Variants in CADM1 observed in about 807,000 individuals in gnomAD.
The protein encoded by CADM1 is TSLC-1.
A neutral mutation model predicts 53.1 loss-of-function variants in CADM1; 15 were observed. The ratio of observed to expected loss-of-function variants is 0.28; its 90% CI spans 0.19 to 0.44. The LOEUF (loss-of-function observed/expected upper bound fraction) is 0.44, where lower values mean the gene tolerates loss of function less well. Among genes scored for constraint, CADM1 ranks in the 20% least tolerant of loss-of-function variants. The probability of loss-of-function intolerance (pLI) is 1.00; values close to 1 mark genes in which losing one functional copy is unlikely to be tolerated. For synonymous variants in CADM1, 281 were observed against 243.0 expected (o/e 1.16, Z -1.45); for missense variants, 434 against 611.3 (o/e 0.71, Z 3.06).
chr11:115,418,808 A>G (rs191855777), intron 1 of CADM1, among the ~76,000 whole-genome samples: 135 of 152,356 alleles, frequency 8.9e-4, no homozygotes, highest in South Asian at 2.5e-3. Flanking sequence ...AATGACTGCA[A>G]TAAAACAATG....
intron 1 of CADM1, among the ~76,000 whole-genome samples, chr11:115,379,819 C>T (rs1261051524): frequency 6.6e-6 from 1 of 152,142 alleles, no homozygotes; most frequent in Non-Finnish European, 1.5e-5. Context: ...AAAACAAAAA[C>T]TCCCTACAGA....
chr11:115,198,260 T>C (rs10891806), intron 9 of CADM1, 146 bp downstream of exon 9: 27,084 of 621,544 alleles, frequency 0.044, 828 homozygotes, highest in Admixed American at 0.11. Context: ...CGACATCTTT[T>C]CAAACCTTAA....
intron 1 of CADM1, among the ~76,000 whole-genome samples, chr11:115,478,416 CAA>C (rs1367247689): frequency 9.2e-5 from 14 of 152,082 alleles, no homozygotes; most frequent in African/African-American, 3.4e-4. Flanking sequence ...TATGATGTTT[CAA>C]AAGACATAAA....
chr11:115,356,439 C>G (rs1412765088), intron 1 of CADM1, among the ~76,000 whole-genome samples: 1 of 151,998 alleles, frequency 6.6e-6, no homozygotes, highest in Non-Finnish European at 1.5e-5. Context: ...ATGTCACTTA[C>G]GAACATTTTT....
chr11:115,334,612 A>T (rs1176420684), intron 1 of CADM1, among the ~76,000 whole-genome samples: 1 of 152,146 alleles, frequency 6.6e-6, no homozygotes, highest in Non-Finnish European at 1.5e-5. Flanking sequence ...GTATGTATGT[A>T]TAGGGAAAAT....
intron 8 of CADM1, among the ~76,000 whole-genome samples, chr11:115,204,009 T>C (rs1940561151): frequency 6.6e-6 from 1 of 152,222 alleles, no homozygotes; most frequent in Non-Finnish European, 1.5e-5. Context: ...CTAGGTATAC[T>C]GGCATATCAA....
intron 1 of CADM1, among the ~76,000 whole-genome samples, chr11:115,471,383 T>C (rs1347925964): frequency 6.6e-6 from 1 of 152,176 alleles, no homozygotes; most frequent in Non-Finnish European, 1.5e-5. Flanking sequence ...GAAGTGAATT[T>C]TGGGACTGAC....
intron 1 of CADM1, among the ~76,000 whole-genome samples, chr11:115,392,255 G>C (rs1417747350): frequency 6.6e-6 from 1 of 152,028 alleles, no homozygotes; most frequent in Non-Finnish European, 1.5e-5. Context: ...TGCAGGGGGA[G>C]ATATTTGTCT....
In CADM1 at chr11:115,320,537, G is replaced by A. The variant is rs539408188; in HGVS notation, c.125-80117C>T. 1.2e-4 allele frequency among the ~76,000 whole-genome samples: 18 copies of A among 152,142 alleles called. No homozygotes were observed. In the East Asian group the frequency reaches 2.9e-3, roughly 25 times the overall value. On this transcript the variant is annotated intron_variant, in intron 1 of 11. Coordinates refer to ENST00000331581, the MANE Select transcript of CADM1 (RefSeq NM_001301043.2). Reference sequence around the variant, plus strand: ...TTTTGAATTTCCTATGCAGATAGGTGTTTATAGTATTTCCCTATACTGTAT... The same window carrying A: ...TTTTGAATTTCCTATGCAGATAGGTATTTATAGTATTTCCCTATACTGTAT...
chr11:115,228,062 C>A (rs1305903735), intron 5 of CADM1, among the ~76,000 whole-genome samples: 3 of 152,116 alleles, frequency 2.0e-5, no homozygotes, highest in Non-Finnish European at 4.4e-5. Context: ...GACGAGAGAC[C>A]CACAGAGGAG....
At chr11:115,182,639 C>CGA (rs1440299206) in intron 10 of CADM1, among the ~76,000 whole-genome samples, 1 of 152,192 alleles carries the variant, frequency 6.6e-6, no homozygotes, top group Non-Finnish European at 1.5e-5. Context: ...TCACCCTTCA[C>CGA]TCCTCCTCAG....
At chr11:115,459,453 A>G (rs1277820981) in intron 1 of CADM1, among the ~76,000 whole-genome samples, 2 of 152,200 alleles carry the variant, frequency 1.3e-5, no homozygotes, top group Non-Finnish European at 2.9e-5. Flanking sequence ...TTTCACTCAG[A>G]CCTGCCTTTC....
At chr11:115,428,048 G>C (rs79131822) in intron 1 of CADM1, among the ~76,000 whole-genome samples, 2,594 of 150,724 alleles carry the variant, frequency 0.017, 213 homozygotes, top group East Asian at 0.13. Context: ...AATTAAAGGG[G>C]ATGTCCACAA....
intron 1 of CADM1, among the ~76,000 whole-genome samples, chr11:115,398,453 G>T (rs1947058533): frequency 6.6e-6 from 1 of 152,062 alleles, no homozygotes; most frequent in African/African-American, 2.4e-5. Flanking sequence ...TTTCTGACTT[G>T]TGTCTCTCCA....
chr11:115,445,500 TG>T (rs1948428367), intron 1 of CADM1, among the ~76,000 whole-genome samples: 1 of 119,374 alleles, frequency 8.4e-6, no homozygotes, highest in South Asian at 2.3e-4. Context: ...ATGCAATCAT[TG>T]TTTAAAAAAA....
chr11:115,426,802 C>T (rs1403005279), intron 1 of CADM1, among the ~76,000 whole-genome samples: 1 of 151,926 alleles, frequency 6.6e-6, no homozygotes, highest in Non-Finnish European at 1.5e-5. Flanking sequence ...AATGACAGGA[C>T]TGGGTCTCTG....
intron 1 of CADM1, among the ~76,000 whole-genome samples, chr11:115,280,789 T>C (rs761181649): frequency 1.2e-4 from 18 of 152,190 alleles, no homozygotes; most frequent in Non-Finnish European, 1.6e-4. Context: ...GTCAAGAAGA[T>C]ACATTTTCTA....
intron 1 of CADM1, among the ~76,000 whole-genome samples, chr11:115,375,033 A>T (rs998936688): frequency 1.3e-5 from 2 of 152,184 alleles, no homozygotes; most frequent in Non-Finnish European, 2.9e-5. Flanking sequence ...TTATCTTTTT[A>T]AAAAAGAATC....
At chr11:115,495,004 CAGAG>C (rs775970184) in intron 1 of CADM1, among the ~76,000 whole-genome samples, 12 of 152,286 alleles carry the variant, frequency 7.9e-5, no homozygotes, top group South Asian at 6.2e-4. Flanking sequence ...CTAAAGAAGA[CAGAG>C]AGCTCTTCAC....
Sources: allele counts gnomAD v4.1 joint callset (sites outside exome capture counted in the v4.1 genomes callset), GRCh38; gene constraint gnomAD v4.1.1; transcripts MANE v1.5; gene names NCBI Gene and HGNC (gene_info 2026-07-23, HGNC 2026-07-21).